ENKUR: variants seen among roughly 807,000 people sequenced by gnomAD.
ENKUR encodes enkurin, TRPC channel interacting protein, also known as enkurin.
In ENKUR, 19 loss-of-function variants were observed where a neutral mutation model predicts 27.6. That is an observed-to-expected ratio of 0.69 (90% CI 0.48 to 1.01). The LOEUF (loss-of-function observed/expected upper bound fraction) is 1.01, where lower values mean the gene tolerates loss of function less well. Ranked by LOEUF, ENKUR falls within the 50% of genes least tolerant of loss-of-function variation. The pLI is 0.00. For synonymous variants in ENKUR, 117 were observed against 96.9 expected (o/e 1.21, Z -1.22); for missense variants, 312 against 310.5 (o/e 1.00, Z -0.04).
intron 2 of ENKUR, among the ~76,000 whole-genome samples, chr10:25,039,763 C>T (rs535013653): frequency 6.6e-6 from 1 of 152,152 alleles, no homozygotes; most frequent in African/African-American, 2.4e-5. Flanking sequence ...CCCTGTGGAT[C>T]AGGAATCTAT....
chr10:25,040,368 G>GGGATTTTTTTT (rs1851049278), intron 2 of ENKUR, among the ~76,000 whole-genome samples: 1 of 143,580 alleles, frequency 7.0e-6, no homozygotes, highest in South Asian at 2.3e-4. Context: ...TATATTAAAT[G>GGGATTTTTTTT]GGATTTTTTT....
chr10:24,989,565 A>C (rs969075751), intron 4 of ENKUR, among the ~76,000 whole-genome samples: 1 of 152,142 alleles, frequency 6.6e-6, no homozygotes, highest in Admixed American at 6.5e-5. Context: ...TCACTAATTA[A>C]ATTGCACAAT....
intron 2 of ENKUR, chr10:25,025,858 C>T (rs1850840909): frequency 5.8e-6 from 1 of 172,408 alleles, no homozygotes; most frequent in African/African-American, 2.4e-5. Flanking sequence ...TAATTTACCA[C>T]TCAAAATGGC....
chr10:25,032,448 G>A (rs530848880), intron 2 of ENKUR, among the ~76,000 whole-genome samples: 24 of 152,162 alleles, frequency 1.6e-4, no homozygotes, highest in South Asian at 4.2e-4. Context: ...AAGTCTCTCC[G>A]TAGAATAAGC....
chr10:25,018,047 C>A (rs752153869), upstream of ENKUR, among the ~76,000 whole-genome samples: 1 of 152,082 alleles, frequency 6.6e-6, no homozygotes, highest in Admixed American at 6.6e-5. Context: ...CACCAACTGG[C>A]CTTTGGTAGC....
chr10:25,057,203 A>G (rs1441826544), intron 2 of ENKUR, among the ~76,000 whole-genome samples: 3 of 152,228 alleles, frequency 2.0e-5, no homozygotes, highest in African/African-American at 4.8e-5. Flanking sequence ...GCAAGATGGT[A>G]TGCATCCACA....
chr10:25,051,713 A>C (rs1851188151), intron 2 of ENKUR, among the ~76,000 whole-genome samples: 1 of 152,222 alleles, frequency 6.6e-6, no homozygotes, highest in South Asian at 2.1e-4. Flanking sequence ...ATTACAATTC[A>C]AGAGGAGATT....
intron 3 of ENKUR, among the ~76,000 whole-genome samples, chr10:24,992,130 G>A (rs376337786): frequency 5.9e-5 from 9 of 152,318 alleles, no homozygotes; most frequent in African/African-American, 2.2e-4. Flanking sequence ...GAATTACTAT[G>A]TATTCCTTCT....
intron 1 of ENKUR, among the ~76,000 whole-genome samples, chr10:25,002,040 A>C (rs994232156): frequency 6.6e-6 from 1 of 152,090 alleles, no homozygotes; most frequent in Non-Finnish European, 1.5e-5. Context: ...TGATAGTTGG[A>C]AACAGTGTGA....
intron 1 of ENKUR, among the ~76,000 whole-genome samples, chr10:25,001,743 T>C (rs964544190): frequency 6.6e-6 from 1 of 152,200 alleles, no homozygotes; most frequent in Non-Finnish European, 1.5e-5. Context: ...TTTCCCCATC[T>C]TGGTTCATGC....
At chr10:25,040,562 C>CGG (rs1564355412) in intron 2 of ENKUR, among the ~76,000 whole-genome samples, 2 of 150,948 alleles carry the variant, frequency 1.3e-5, no homozygotes, top group African/African-American at 2.4e-5. Context: ...TCAGTAGAAA[C>CGG]GGTTTCACCG....
intron 1 of ENKUR, among the ~76,000 whole-genome samples, chr10:25,011,749 A>G (rs944247537): frequency 1.3e-5 from 2 of 152,270 alleles, no homozygotes; most frequent in African/African-American, 4.8e-5. Flanking sequence ...TTATGTTTAA[A>G]AGGAAGCAGA....
intron 1 of ENKUR, among the ~76,000 whole-genome samples, chr10:25,006,127 G>C (rs1402473106): frequency 6.6e-6 from 1 of 152,128 alleles, no homozygotes; most frequent in African/African-American, 2.4e-5. Flanking sequence ...CTAGATAGCA[G>C]GAAAATCTAT....
chr10:25,023,457 A>G, intron 2 of ENKUR: 2 of 1,614,144 alleles, frequency 1.2e-6, no homozygotes, highest in South Asian at 2.2e-5. Context: ...TAGGTCAGAA[A>G]CTAGGTTGTT....
exon 1 of ENKUR, chr10:25,062,186 A>ATT (rs1851336886): frequency 6.6e-6 from 1 of 152,152 alleles, no homozygotes; most frequent in Non-Finnish European, 1.5e-5. Flanking sequence ...GCTTACCTAT[A>ATT]AGCCTAATCC....
At chr10:25,014,512 AT>A (rs1029313078) in intron 1 of ENKUR, among the ~76,000 whole-genome samples, 13 of 151,414 alleles carry the variant, frequency 8.6e-5, no homozygotes, top group African/African-American at 2.2e-4. Flanking sequence ...GTTCCTATAA[AT>A]TTTTTTTGAA....
chr10:25,053,283 A>T (rs186793606), intron 2 of ENKUR, among the ~76,000 whole-genome samples: 2 of 152,314 alleles, frequency 1.3e-5, no homozygotes, highest in East Asian at 3.9e-4. Flanking sequence ...CCAAATACTT[A>T]TCCCTTTTTG....
intron 2 of ENKUR, chr10:25,024,761 A>T: frequency 6.2e-7 from 1 of 1,614,160 alleles, no homozygotes; most frequent in Non-Finnish European, 8.5e-7. Context: ...AACTTTGGTA[A>T]CATTTTAGCA....
chr10:25,003,174 A>AC (rs1850230476), intron 1 of ENKUR, among the ~76,000 whole-genome samples: 5 of 137,620 alleles, frequency 3.6e-5, no homozygotes, highest in African/African-American at 5.8e-5. Flanking sequence ...TAATTAATTA[A>AC]TTAATTAATT....
Sources: allele counts gnomAD v4.1 joint callset (sites outside exome capture counted in the v4.1 genomes callset), GRCh38; gene constraint gnomAD v4.1.1; transcripts MANE v1.5; gene names NCBI Gene and HGNC (gene_info 2026-07-23, HGNC 2026-07-21).